The following ACVR2A variants were observed in gnomAD, a reference collection of about 807,000 sequenced individuals.
ACVR2A encodes the protein activin A receptor type 2A.
ACVR2A carries 7 observed loss-of-function variants against 61.4 expected under a neutral mutation model. That is an observed-to-expected ratio of 0.11 (90% CI 0.06 to 0.21). The LOEUF (loss-of-function observed/expected upper bound fraction) is 0.21. Ranked by LOEUF, ACVR2A falls within the 10% of genes least tolerant of loss-of-function variation. The pLI, the probability that ACVR2A is intolerant of heterozygous loss-of-function variation, is 1.00. For missense variants in ACVR2A, 322 were observed against 621.7 expected (o/e 0.52, Z 5.13); for synonymous variants, 193 against 208.3 (o/e 0.93, Z 0.63).
At chr2:147,913,229 G>A (rs1305925243) in intron 4 of ACVR2A, among the ~76,000 whole-genome samples, 1 of 151,750 alleles carries the variant, frequency 6.6e-6, no homozygotes. Flanking sequence ...TATTCATGTT[G>A]TTGATGTCCT....
At chr2:147,877,164 G>A (rs1686178820) in intron 1 of ACVR2A, among the ~76,000 whole-genome samples, 1 of 152,046 alleles carries the variant, frequency 6.6e-6, no homozygotes, top group Non-Finnish European at 1.5e-5. Context: ...CCTATTATTT[G>A]AACTTTTTTG....
chr2:147,890,442 A>G (rs1686554796), intron 1 of ACVR2A, among the ~76,000 whole-genome samples: 1 of 152,024 alleles, frequency 6.6e-6, no homozygotes, highest in Non-Finnish European at 1.5e-5. Flanking sequence ...ATATTTATAT[A>G]TATTCTCAAA....
intron 4 of ACVR2A, among the ~76,000 whole-genome samples, chr2:147,905,613 A>G (rs141723779): frequency 3.4e-3 from 519 of 152,104 alleles, no homozygotes; most frequent in East Asian, 8.3e-3. Context: ...TAGGGCTACT[A>G]TAGATGTTGT....
At chr2:147,892,060 C>T (rs1475382979) in intron 1 of ACVR2A, among the ~76,000 whole-genome samples, 1 of 151,850 alleles carries the variant, frequency 6.6e-6, no homozygotes, top group African/African-American at 2.4e-5. Flanking sequence ...CAACCTCCAC[C>T]TCCTGGGTTC....
At chr2:147,863,850 C>G (rs1413027048) in intron 1 of ACVR2A, among the ~76,000 whole-genome samples, 1 of 152,140 alleles carries the variant, frequency 6.6e-6, no homozygotes, top group Non-Finnish European at 1.5e-5. Context: ...AGAATCAGAA[C>G]TAGGTCAGAA....
chr2:147,867,035 C>T (rs1685873414), intron 1 of ACVR2A, among the ~76,000 whole-genome samples: 1 of 152,040 alleles, frequency 6.6e-6, no homozygotes, highest in Admixed American at 6.5e-5. Flanking sequence ...AAACAAGTAT[C>T]GTTTCATTGT....
intron 1 of ACVR2A, among the ~76,000 whole-genome samples, chr2:147,886,089 GTACTA>G (rs1171628775): frequency 6.6e-6 from 1 of 151,976 alleles, no homozygotes; most frequent in East Asian, 1.9e-4. Context: ...ATGAAAGATT[GTACTA>G]TACCAGAATT....
chr2:147,914,672 A>T (rs1573705916), intron 4 of ACVR2A, among the ~76,000 whole-genome samples: 1 of 151,978 alleles, frequency 6.6e-6, no homozygotes, highest in African/African-American at 2.4e-5. Context: ...TATTTGATAT[A>T]CCTATCTGCA....
At chr2:147,893,757 C>T (rs924899695) in intron 1 of ACVR2A, among the ~76,000 whole-genome samples, 1 of 151,928 alleles carries the variant, frequency 6.6e-6, no homozygotes, top group African/African-American at 2.4e-5. Flanking sequence ...TGTAAGAGGC[C>T]GTTATATTTT....
At chr2:147,896,886 A>C (rs1686749481) in intron 2 of ACVR2A, 2 of 161,770 alleles carry the variant, frequency 1.2e-5, no homozygotes, top group Admixed American at 1.2e-4. Flanking sequence ...AAACTTAATC[A>C]TGTGTTTAAT....
intron 1 of ACVR2A, among the ~76,000 whole-genome samples, chr2:147,867,036 G>A (rs1037697119): frequency 3.3e-5 from 5 of 152,080 alleles, no homozygotes; most frequent in Admixed American, 6.5e-5. Context: ...AACAAGTATC[G>A]TTTCATTGTA....
chr2:147,861,425 G>T lies in ACVR2A; in HGVS notation c.55+16218G>T, dbSNP rs527416435. Among the ~76,000 whole-genome samples, 20 of 152,204 alleles carry T rather than the reference G, an allele frequency of 1.3e-4. No individual in the cohort carries two copies. The South Asian group carries it at 4.1e-3, about 32-fold the overall frequency. ...ATATTTTCAATTATGTAGTTTATTG[G>T]TATAGTTTTATGTAAAGATTTTGGG... is the stretch of plus-strand genomic sequence containing the variant. On this transcript the variant is annotated intron_variant, in intron 1 of 10. Transcript: ENST00000241416.
intron 1 of ACVR2A, among the ~76,000 whole-genome samples, chr2:147,887,710 A>T (rs999975471): frequency 6.6e-6 from 1 of 152,170 alleles, no homozygotes; most frequent in African/African-American, 2.4e-5. Flanking sequence ...ATTACCTCAC[A>T]TATGCAGTAC....
chr2:147,912,726 A>G (rs1037741703), intron 4 of ACVR2A, among the ~76,000 whole-genome samples: 4 of 151,966 alleles, frequency 2.6e-5, no homozygotes, highest in Non-Finnish European at 4.4e-5. Context: ...AGATTTTATA[A>G]TCTGTCCTAC....
intron 4 of ACVR2A, among the ~76,000 whole-genome samples, chr2:147,911,999 G>A (rs773153292): frequency 7.9e-5 from 12 of 151,928 alleles, no homozygotes; most frequent in Non-Finnish European, 1.6e-4. Context: ...TTCATCTTTG[G>A]CATCTTTAGC....
At chr2:147,858,499 C>T (rs1191742755) in intron 1 of ACVR2A, among the ~76,000 whole-genome samples, 1 of 152,134 alleles carries the variant, frequency 6.6e-6, no homozygotes, top group East Asian at 1.9e-4. Context: ...TATTGGCCCT[C>T]TGGTAGTTCC....
At chr2:147,852,019 A>G (rs1233714938) in intron 1 of ACVR2A, among the ~76,000 whole-genome samples, 1 of 152,042 alleles carries the variant, frequency 6.6e-6, no homozygotes, top group Non-Finnish European at 1.5e-5. Flanking sequence ...CAGTGGTGAC[A>G]TTTTATTAAG....
At chr2:147,852,662 G>T (rs72853844) in intron 1 of ACVR2A, among the ~76,000 whole-genome samples, 2 of 152,156 alleles carry the variant, frequency 1.3e-5, no homozygotes, top group Non-Finnish European at 2.9e-5. Flanking sequence ...ACACGAAGGC[G>T]CTGAAACAAC....
intron 1 of ACVR2A, among the ~76,000 whole-genome samples, chr2:147,890,916 C>T (rs1686566409): frequency 1.3e-5 from 2 of 152,042 alleles, no homozygotes; most frequent in South Asian, 2.1e-4. Context: ...ACAGCATTCC[C>T]CGTAAGCCAT....
Sources: allele counts gnomAD v4.1 joint callset (sites outside exome capture counted in the v4.1 genomes callset), GRCh38; gene constraint gnomAD v4.1.1; transcripts MANE v1.5; gene names NCBI Gene and HGNC (gene_info 2026-07-23, HGNC 2026-07-21).